SUN1: variants seen among roughly 807,000 people sequenced by gnomAD.
SUN1 encodes Sad1 and UNC84 domain containing 1, also known as SUN domain-containing protein 1.
In SUN1, 61 loss-of-function variants were observed where a neutral mutation model predicts 103.2. The ratio of observed to expected loss-of-function variants is 0.59; its 90% CI spans 0.48 to 0.73. The LOEUF (loss-of-function observed/expected upper bound fraction) is 0.73. Among genes scored for constraint, SUN1 ranks in the 30% least tolerant of loss-of-function variants. SUN1 has a pLI of 0.00. For synonymous variants in SUN1, 490 were observed against 425.7 expected (o/e 1.15, Z -1.86); for missense variants, 1,052 against 1,034.6 (o/e 1.02, Z -0.23).
intron 1 of SUN1, among the ~76,000 whole-genome samples, chr7:823,345 T>C (rs1451217287): frequency 6.6e-6 from 1 of 152,144 alleles, no homozygotes; most frequent in African/African-American, 2.4e-5. Flanking sequence ...ATGAGGCCCA[T>C]GGGGGCTTCC....
At chr7:857,506 A>G (rs889029082) in intron 12 of SUN1, among the ~76,000 whole-genome samples, 5 of 152,188 alleles carry the variant, frequency 3.3e-5, no homozygotes, top group Admixed American at 1.3e-4. Flanking sequence ...GTCCAGAAAT[A>G]AAGTTTCTAA....
At chr7:830,341 T>G (rs1237561124), upstream of SUN1, among the ~76,000 whole-genome samples, 1 of 152,210 alleles carries the variant, frequency 6.6e-6, no homozygotes, top group East Asian at 1.9e-4. Context: ...GGCTGAGAGA[T>G]AATGGCCAGG....
At chr7:817,605 TTCAG>T in intron 1 of SUN1, 4 of 1,367,960 alleles carry the variant, frequency 2.9e-6, no homozygotes, top group Non-Finnish European at 4.0e-6. Flanking sequence ...TCTTCTAAGC[TTCAG>T]TCATAGTATT....
At chr7:832,985 T>C (rs1046774164) in intron 1 of SUN1, 2 of 181,406 alleles carry the variant, frequency 1.1e-5, no homozygotes, top group African/African-American at 4.7e-5. Flanking sequence ...GGAAACATCA[T>C]AGAACAGCGT....
intron 11 of SUN1, among the ~76,000 whole-genome samples, chr7:855,223 A>G (rs1825996786): frequency 6.6e-6 from 1 of 152,136 alleles, no homozygotes; most frequent in South Asian, 2.1e-4. Context: ...GTGTCTCTCG[A>G]GGGCACAGAG....
intron 1 of SUN1, chr7:817,289 C>T (rs1045951552): frequency 1.2e-6 from 1 of 810,808 alleles, no homozygotes; most frequent in Admixed American, 2.0e-5. Flanking sequence ...GGGTTGTGGT[C>T]TCTCCATGCT....
intron 5 of SUN1, chr7:850,777 A>AAC (rs1047941465): frequency 1.3e-5 from 2 of 149,100 alleles, no homozygotes; most frequent in African/African-American, 5.0e-5. Context: ...TAAAAAAAAA[A>AAC]AAAAACAAAA....
intron 15 of SUN1, among the ~76,000 whole-genome samples, chr7:863,141 CAAAAACA>C (rs1159882760): frequency 1.3e-5 from 2 of 152,178 alleles, no homozygotes; most frequent in South Asian, 4.1e-4. Flanking sequence ...GACTCCATCT[CAAAAACA>C]AAAAACAAAA....
In SUN1 at chr7:857,853, A is replaced by ACGGT; in HGVS notation, c.1421_1422insGGTC (p.Glu476SerfsTer26). On this transcript the variant is annotated frameshift_variant, in exon 13 of 19. Coordinates refer to ENST00000401592, the MANE Select transcript of SUN1 (RefSeq NM_001130965.3). LOFTEE classifies it high-confidence loss of function. ...TGCGGTTGGTGAGCAGCTCCTGCCC[A>ACGGT]CAGTCGAGCACCTCCAGCTGGAGCT... The ACGGT allele has an allele frequency of 6.3e-7, 1 of 1,591,984 alleles. No individual in the cohort carries two copies. The highest frequency in any genetic ancestry group is 1.1e-5 in the South Asian group (1 of 89,516).
Position 821,236 on chromosome 7 carries a change from C to T in SUN1, c.-74+4563C>T, listed in dbSNP as rs12668639. Among the ~76,000 whole-genome samples, 710 of 123,256 alleles carry T rather than the reference C, an allele frequency of 5.8e-3. 48 individuals carry two copies. The East Asian group carries it at 0.16, about 28-fold the overall frequency. The allele number at this position is 123,256 out of a possible 152,430, so 80.9% of individuals were successfully genotyped here. A position where few individuals can be genotyped will look rare whatever the true frequency, so the allele number is the denominator to read the frequency against. On this transcript the variant is annotated intron_variant, in intron 1 of 17. Transcript: ENST00000389574. Reference sequence around the variant, plus strand: ...CCAGGCTGGAGTGCAGTGGAGCGATCTCGGCTCACTGCAACCTCTGCCTCC... The same window carrying T: ...CCAGGCTGGAGTGCAGTGGAGCGATTTCGGCTCACTGCAACCTCTGCCTCC...
intron 1 of SUN1, chr7:817,202 C>G (rs1408992241): frequency 1.8e-6 from 1 of 566,120 alleles, no homozygotes; most frequent in African/African-American, 1.9e-5. Flanking sequence ...GCGAGCTATC[C>G]TCCCGCCTCC....
chr7:838,248 A>G (rs1224249097), intron 1 of SUN1, among the ~76,000 whole-genome samples: 1 of 152,158 alleles, frequency 6.6e-6, no homozygotes, highest in East Asian at 1.9e-4. Flanking sequence ...TTAGTTGAAT[A>G]ATTATATGGA....
chr7:845,868 C>T (rs778932011), intron 5 of SUN1, among the ~76,000 whole-genome samples: 2 of 152,110 alleles, frequency 1.3e-5, no homozygotes, highest in African/African-American at 4.8e-5. Context: ...GAACCATTAA[C>T]GTGTGCGGCT....
intron 2 of SUN1, among the ~76,000 whole-genome samples, chr7:839,850 G>A (rs1466116559): frequency 1.3e-5 from 2 of 152,134 alleles, no homozygotes; most frequent in Non-Finnish European, 2.9e-5. Flanking sequence ...CACTGCGCCC[G>A]GCCCAGTTCA....
At chr7:817,262 T>G in intron 1 of SUN1, 5 of 686,824 alleles carry the variant, frequency 7.3e-6, no homozygotes, top group East Asian at 2.8e-5. Context: ...GCCCGGCTGA[T>G]AGTCGTATTT....
At chr7:849,997 C>A in intron 5 of SUN1, 1 of 1,600,328 alleles carries the variant, frequency 6.2e-7, no homozygotes, top group Non-Finnish European at 8.5e-7. Flanking sequence ...GCTGCCCGGT[C>A]GGGCAGGGAC....
chr7:870,387 C>T (rs1300645711), intron 17 of SUN1, among the ~76,000 whole-genome samples: 1 of 151,806 alleles, frequency 6.6e-6, no homozygotes. Flanking sequence ...GTTAGGAGTT[C>T]GAGACCAGCC....
At position 864,584 on chromosome 7, in the gene SUN1, G is replaced by A. The variant is rs1001274519; in HGVS notation, c.1865-1368G>A. ...AAAAAAAAAAAAAAAGCACAATGAA[G>A]TTCACTACAGTCACCCTGTTCTGCT... On this transcript the variant is annotated intron_variant, in intron 15 of 18. Transcript: ENST00000401592. Among the ~76,000 whole-genome samples, 4 of 145,152 alleles carry A rather than the reference G, an allele frequency of 2.8e-5. No homozygotes were observed. The South Asian group carries it at 8.8e-4, about 32-fold the overall frequency.
In SUN1 at chr7:860,047, A is replaced by G; in HGVS notation, c.1525-81A>G. 4 of 1,513,596 alleles carry G rather than the reference A, an allele frequency of 2.6e-6. No individual in the cohort carries two copies. The South Asian group carries it at 5.0e-5, about 19-fold the overall frequency. The allele number at this position is 1,513,596 out of a possible 1,614,324, so 93.8% of individuals were successfully genotyped here. A position where few individuals can be genotyped will look rare whatever the true frequency, so the allele number is the denominator to read the frequency against. ...TTTGAGAGGATATATAATTCTTCTGAGGTATCTAAGATAATGGACCCGAAC... is the reference window on the plus strand; with the variant it reads ...TTTGAGAGGATATATAATTCTTCTGGGGTATCTAAGATAATGGACCCGAAC... On this transcript the variant is annotated intron_variant, in intron 13 of 18. Transcript: ENST00000401592.
Sources: allele counts gnomAD v4.1 joint callset (sites outside exome capture counted in the v4.1 genomes callset), GRCh38; gene constraint gnomAD v4.1.1; transcripts MANE v1.5; gene names NCBI Gene and HGNC (gene_info 2026-07-23, HGNC 2026-07-21).